The following GOLM1 variants were observed in gnomAD, a reference collection of about 807,000 sequenced individuals.
GOLM1 encodes golgi membrane protein 1.
GOLM1 carries 31 observed loss-of-function variants against 50.5 expected under a neutral mutation model. The observed-to-expected ratio is 0.61, with a 90% confidence interval of 0.46 to 0.83. The LOEUF (loss-of-function observed/expected upper bound fraction) is 0.83, where lower values mean the gene tolerates loss of function less well. Ranked by LOEUF, GOLM1 falls within the 40% of genes least tolerant of loss-of-function variation. The pLI, the probability that GOLM1 is intolerant of heterozygous loss-of-function variation, is 0.00. For missense variants in GOLM1, 491 were observed against 501.3 expected, an observed-to-expected ratio of 0.98 and a Z score of 0.20; for synonymous variants, 178 against 192.8, an observed-to-expected ratio of 0.92 and a Z score of 0.64.
At chr9:86,097,803 G>T (rs1835398483) in intron 1 of GOLM1, among the ~76,000 whole-genome samples, 5 of 152,176 alleles carry the variant, frequency 3.3e-5, no homozygotes, top group Admixed American at 2.0e-4. Flanking sequence ...TGGGGAAGGT[G>T]GCCATATATA....
intron 1 of GOLM1, among the ~76,000 whole-genome samples, chr9:86,089,939 C>G (rs1284890508): frequency 1.3e-5 from 2 of 152,106 alleles, no homozygotes; most frequent in Non-Finnish European, 2.9e-5. Context: ...GATGGGGTTT[C>G]TGTGTGGATG....
At chr9:86,030,218 CAAAAAA>C (rs35215928) in intron 9 of GOLM1, among the ~76,000 whole-genome samples, 1 of 73,438 alleles carries the variant, frequency 1.4e-5, no homozygotes, top group African/African-American at 5.5e-5. Flanking sequence ...GACTCTGTCT[CAAAAAA>C]AAAAAAAAAA....
intron 1 of GOLM1, among the ~76,000 whole-genome samples, chr9:86,083,301 G>A (rs1834843493): frequency 6.6e-6 from 1 of 152,198 alleles, no homozygotes; most frequent in South Asian, 2.1e-4. Flanking sequence ...TATGTAATTA[G>A]CTGTTAAGCC....
chr9:86,044,143 C>T (rs903833998), intron 5 of GOLM1, among the ~76,000 whole-genome samples: 1 of 152,190 alleles, frequency 6.6e-6, no homozygotes, highest in Non-Finnish European at 1.5e-5. Context: ...CCACTAGATG[C>T]CAGTAGCAGC....
At chr9:86,074,766 C>T (rs1030711809) in intron 3 of GOLM1, among the ~76,000 whole-genome samples, 1 of 152,236 alleles carries the variant, frequency 6.6e-6, no homozygotes, top group African/African-American at 2.4e-5. Context: ...GCTCAGGAAA[C>T]GTTCACTCCT....
chr9:86,038,438 GACCTGGGGGAATGAAAC>G (rs1292975659), intron 6 of GOLM1, among the ~76,000 whole-genome samples: 10 of 152,114 alleles, frequency 6.6e-5, no homozygotes, highest in African/African-American at 2.2e-4. Context: ...GAGCCTAACT[GACCTGGGGGAATGAAAC>G]ACCCAACTCC....
At chr9:86,077,691 G>A in intron 2 of GOLM1, 100 bp from the exon 3 acceptor site, 1 of 780,302 alleles carries the variant, frequency 1.3e-6, no homozygotes, top group Non-Finnish European at 2.2e-6. Flanking sequence ...CCCAGGGCCA[G>A]CACCAGTCTT....
intron 9 of GOLM1, among the ~76,000 whole-genome samples, chr9:86,032,456 C>G (rs999438244): frequency 3.9e-5 from 6 of 152,008 alleles, no homozygotes; most frequent in African/African-American, 1.5e-4. Flanking sequence ...TGTGAGCCAC[C>G]ACACTTGGCC....
intron 3 of GOLM1, among the ~76,000 whole-genome samples, chr9:86,053,867 G>A (rs1006489701): frequency 1.4e-5 from 2 of 145,442 alleles, no homozygotes; most frequent in African/African-American, 5.1e-5. Context: ...CACCACACCA[G>A]CTCACAACTG....
chr9:86,034,986 A>C lies in GOLM1; in HGVS notation c.1015+382T>G, dbSNP rs1010498073. The C allele has an allele frequency of 1.0e-5, 10 of 984,310 alleles. No homozygotes were observed. In the African/African-American group the frequency reaches 1.7e-4, roughly 17 times the overall value. The allele number at this position is 984,310 out of a possible 1,614,324, so 61.0% of individuals were successfully genotyped here. On this transcript the variant is annotated intron_variant, in intron 8 of 9. Coordinates refer to ENST00000388712, the MANE Select transcript of GOLM1 (RefSeq NM_016548.4). ...TATTCCTTCCTTCCTTCCTTCATTC[A>C]TTCACTAGGCACTGATTGTCTAAAT...
At chr9:86,063,535 C>A (rs1018110914) in intron 3 of GOLM1, among the ~76,000 whole-genome samples, 2 of 152,324 alleles carry the variant, frequency 1.3e-5, no homozygotes, top group Admixed American at 1.3e-4. Flanking sequence ...ACCTAACAGA[C>A]CCTACTTACT....
rs368871234 is a variant in GOLM1, at chr9:86,036,253, C to T, written c.757+95G>A. The T allele has an allele frequency of 2.6e-5, 34 of 1,304,878 alleles. 1 individual carries two copies. The highest frequency in any genetic ancestry group is 1.3e-4 in the African/African-American group (9 of 68,624). 80.8% of individuals were successfully genotyped at this position (1,304,878 alleles called of 1,614,324 possible). ...TCCCTGCTCCTGGCTGCGCCGCTGCCGGGTTCACTGACTGCCTCAGCAGCT... is the reference window on the plus strand; with the variant it reads ...TCCCTGCTCCTGGCTGCGCCGCTGCTGGGTTCACTGACTGCCTCAGCAGCT... On this transcript the variant is annotated intron_variant, in intron 7 of 9. Coordinates refer to ENST00000388712, the MANE Select transcript of GOLM1 (RefSeq NM_016548.4).
In GOLM1 at chr9:86,026,749, AAGT is replaced by A; in HGVS notation, c.*1065_*1067del. The stretch of plus-strand genomic sequence containing the variant: ...GCCATTGTTATTGTGAATTAGGATT[AAGT>A]AGTAATTTTCAAAATTCACATTAAC... On this transcript the variant is annotated 3_prime_UTR_variant, in exon 10 of 10. Coordinates refer to ENST00000388712, the MANE Select transcript of GOLM1 (RefSeq NM_016548.4). 5 of 983,026 alleles carry A rather than the reference AAGT, an allele frequency of 5.1e-6. No individual in the cohort carries two copies. The highest frequency in any genetic ancestry group is 4.8e-6 in the Non-Finnish European group (4 of 827,718). 60.9% of individuals were successfully genotyped at this position (983,026 alleles called of 1,614,324 possible).
chr9:86,079,006 C>T (rs2118852323), intron 2 of GOLM1, among the ~76,000 whole-genome samples, 186 bp downstream of exon 2: 1 of 152,278 alleles, frequency 6.6e-6, no homozygotes, highest in African/African-American at 2.4e-5. Context: ...CCTCTCCCAC[C>T]CAAAGCTGCT....
chr9:86,079,096 G>C lies in GOLM1; in HGVS notation c.129+96C>G. 3 of 1,149,688 alleles carry C rather than the reference G, an allele frequency of 2.6e-6. No homozygotes were observed. The African/African-American group carries it at 4.7e-5, about 18-fold the overall frequency. The allele number at this position is 1,149,688 out of a possible 1,614,324, so 71.2% of individuals were successfully genotyped here. A position where few individuals can be genotyped will look rare whatever the true frequency, so the allele number is the denominator to read the frequency against. ...GCGTGTGCCCTGCACAAAACGCCCT[G>C]GCTGGCAATAAACAACAAACCCCTG... On this transcript the variant is annotated intron_variant, in intron 2 of 9. Coordinates refer to ENST00000388712, the MANE Select transcript of GOLM1 (RefSeq NM_016548.4).
chr9:86,067,537 C>T (rs1408774885), intron 3 of GOLM1, among the ~76,000 whole-genome samples: 1 of 152,220 alleles, frequency 6.6e-6, no homozygotes, highest in Non-Finnish European at 1.5e-5. Flanking sequence ...AAGGGGGAGT[C>T]CAATTCCCCT....
chr9:86,082,788 A>G (rs1182228446), intron 1 of GOLM1, among the ~76,000 whole-genome samples: 9 of 152,236 alleles, frequency 5.9e-5, no homozygotes, highest in Non-Finnish European at 1.3e-4. Flanking sequence ...AGGCCCGGAT[A>G]TTTGTATTTT....
intron 3 of GOLM1, among the ~76,000 whole-genome samples, chr9:86,076,101 AG>A (rs1834601857): frequency 6.6e-6 from 1 of 152,214 alleles, no homozygotes; most frequent in African/African-American, 2.4e-5. Context: ...CACTCCAGAG[AG>A]AGAGGTACAC....
chr9:86,083,633 C>T (rs1288253414), intron 1 of GOLM1, among the ~76,000 whole-genome samples: 1 of 152,234 alleles, frequency 6.6e-6, no homozygotes, highest in East Asian at 1.9e-4. Flanking sequence ...AGTGATCTGC[C>T]TGCCTCGGCC....
Sources: allele counts gnomAD v4.1 joint callset (sites outside exome capture counted in the v4.1 genomes callset), GRCh38; gene constraint gnomAD v4.1.1; transcripts MANE v1.5; gene names NCBI Gene and HGNC (gene_info 2026-07-23, HGNC 2026-07-21).